The following FAM118B variants were observed in gnomAD, a reference collection of about 807,000 sequenced individuals.
FAM118B encodes SIR2 antiphage like 1.
FAM118B carries 24 observed loss-of-function variants against 38.5 expected under a neutral mutation model. The observed-to-expected ratio is 0.62, with a 90% confidence interval of 0.45 to 0.88. The LOEUF is 0.88. FAM118B is among the 40% of genes least tolerant of loss of function. FAM118B has a pLI of 0.00. For synonymous variants in FAM118B, 138 were observed against 156.3 expected (o/e 0.88, Z 0.87); for missense variants, 334 against 420.0 (o/e 0.80, Z 1.79).
At chr11:126,233,947 TAGC>T (rs1691664884) in intron 2 of FAM118B, among the ~76,000 whole-genome samples, 1 of 152,030 alleles carries the variant, frequency 6.6e-6, no homozygotes, top group Admixed American at 6.5e-5. Context: ...CCAGATGTGG[TAGC>T]ATGTGCCTGT....
intron 3 of FAM118B, among the ~76,000 whole-genome samples, chr11:126,237,195 C>T (rs1217321055): frequency 2.2e-5 from 3 of 135,990 alleles, no homozygotes; most frequent in Non-Finnish European, 4.6e-5. Context: ...GGATTACAGA[C>T]GTGAGCCACC....
chr11:126,219,351 T>TC (rs1950030502), intron 1 of FAM118B, among the ~76,000 whole-genome samples: 2 of 10,902 alleles, frequency 1.8e-4, no homozygotes, highest in Non-Finnish European at 3.7e-4. Context: ...TTGTTTATCT[T>TC]TTTTTTTTTT....
rs142071711 is a variant in FAM118B, at chr11:126,245,055, C to G, written c.339+4011C>G. The G allele has an allele frequency of 9.2e-5, 14 of 152,328 alleles. No individual in the cohort carries two copies. The East Asian group carries it at 2.5e-3, about 27-fold the overall frequency. 9.4% of individuals were successfully genotyped at this position (152,328 alleles called of 1,614,324 possible). On this transcript the variant is annotated intron_variant, in intron 4 of 8. Transcript: ENST00000533050. Reference sequence around the variant, plus strand: ...ATGGGGCCAGGCACCATGGCATGCACCTGTAGTCCCATCTACTTGGGAGGC... The same window carrying G: ...ATGGGGCCAGGCACCATGGCATGCAGCTGTAGTCCCATCTACTTGGGAGGC...
chr11:126,218,618 T>C (rs987167484), intron 1 of FAM118B, among the ~76,000 whole-genome samples: 1 of 152,206 alleles, frequency 6.6e-6, no homozygotes, highest in African/African-American at 2.4e-5. Context: ...ATAAATGAAT[T>C]ATTTTATTGT....
intron 4 of FAM118B, among the ~76,000 whole-genome samples, chr11:126,245,968 C>G (rs1301086920): frequency 6.6e-6 from 1 of 150,376 alleles, no homozygotes; most frequent in African/African-American, 2.5e-5. Context: ...TGCACTCCAG[C>G]CTGGGCAACA....
intron 1 of FAM118B, among the ~76,000 whole-genome samples, chr11:126,225,753 G>A (rs368178651): frequency 1.3e-5 from 2 of 152,182 alleles, no homozygotes; most frequent in African/African-American, 4.8e-5. Context: ...GCCAAGGCAG[G>A]CAGATCATTT....
intron 1 of FAM118B, among the ~76,000 whole-genome samples, chr11:126,215,675 T>G (rs1591497775): frequency 8.1e-6 from 1 of 122,766 alleles, no homozygotes; most frequent in Non-Finnish European, 1.6e-5. Flanking sequence ...CCAGCCTGGG[T>G]GAAAGTATGA....
At chr11:126,211,768 CGCTCAGT>C, upstream of FAM118B, 1 of 1,047,110 alleles carries the variant, frequency 9.6e-7, no homozygotes, top group Non-Finnish European at 1.4e-6. Flanking sequence ...GGACGGTGCG[CGCTCAGT>C]GCGGCTGCGC....
chr11:126,218,272 C>A lies in FAM118B; in HGVS notation c.-77+6442C>A, dbSNP rs999945312. Among the ~76,000 whole-genome samples the A allele has an allele frequency of 7.9e-5, 12 of 152,334 alleles. 1 individual carries two copies. The highest frequency in any genetic ancestry group is 2.4e-4 in the African/African-American group (10 of 41,574). Reference sequence around the variant, plus strand: ...CCTTCAGGTGATGTGGGCCTTTGCACCTGTGCCTCTGTCTGGATGTGTCTT... The same window carrying A: ...CCTTCAGGTGATGTGGGCCTTTGCAACTGTGCCTCTGTCTGGATGTGTCTT... On this transcript the variant is annotated intron_variant, in intron 1 of 8. Transcript: ENST00000533050.
intron 4 of FAM118B, among the ~76,000 whole-genome samples, chr11:126,243,253 T>C (rs1233667943): frequency 1.3e-5 from 2 of 152,182 alleles, no homozygotes; most frequent in Non-Finnish European, 2.9e-5. Flanking sequence ...TTCCAACTCA[T>C]TGTATGAGGC....
intron 1 of FAM118B, among the ~76,000 whole-genome samples, chr11:126,221,006 G>A (rs1297448201): frequency 6.6e-6 from 1 of 152,122 alleles, no homozygotes; most frequent in African/African-American, 2.4e-5. Context: ...GGCCAACATA[G>A]TGAAACCCTG....
intron 3 of FAM118B, among the ~76,000 whole-genome samples, chr11:126,238,745 T>G (rs943625497): frequency 3.9e-5 from 6 of 152,114 alleles, no homozygotes; most frequent in African/African-American, 1.4e-4. Context: ...CCCTCTACCT[T>G]TAGATGTACA....
In FAM118B at chr11:126,229,209, G is replaced by A. The variant is rs1950179092; in HGVS notation, c.-76-16G>A. The A allele has an allele frequency of 6.6e-6, 1 of 152,164 alleles. No individual in the cohort carries two copies. Among genetic ancestry groups the A allele is most frequent in the South Asian group, 2.1e-4 (1 of 4,830 alleles). The allele number at this position is 152,164 out of a possible 1,614,324, so 9.4% of individuals were successfully genotyped here. On this transcript the variant is annotated splice_polypyrimidine_tract_variant and intron_variant, in intron 1 of 8. Coordinates refer to ENST00000533050, the MANE Select transcript of FAM118B (RefSeq NM_024556.4). ...TAAAAGTCTCCTTACTTAGCAACAT[G>A]TGTCATTATTTTCAGGATATACCTT...
rs367568824 is a variant in FAM118B, at chr11:126,250,640, C to T, written c.474C>T (p.Leu158=). The T allele has an allele frequency of 9.3e-6, 15 of 1,613,932 alleles. No individual in the cohort carries two copies. Among genetic ancestry groups the T allele is most frequent in the African/African-American group, 4.0e-5 (3 of 74,898 alleles). The change falls in exon 5 of 9, where the codon CTC becomes CTT. Residue 158 remains leucine (L), a synonymous_variant. Coordinates refer to ENST00000533050, the MANE Select transcript of FAM118B (RefSeq NM_024556.4). This position sits in a 1 kb window ranked among gnomAD's most constrained non-coding sequence, Gnocchi z 5.1. The stretch of plus-strand genomic sequence containing the variant: ...TCCACCTGATGGAAAATGGAGCCCT[C>T]GTATTAACTACAAATTTTGATAATC... ...SVLHLMENGA[L]VLTTNFDNLL...
At chr11:126,219,856 TAAAA>T (rs10707118) in intron 1 of FAM118B, among the ~76,000 whole-genome samples, 12 of 144,994 alleles carry the variant, frequency 8.3e-5, no homozygotes, top group African/African-American at 2.8e-4. Context: ...AAAATTAACT[TAAAA>T]AAAAAAAAAA....
rs1406811914 is a variant in FAM118B, at chr11:126,262,886, G to A, written c.*753G>A. 6.6e-6 allele frequency: 1 copy of A among 152,514 alleles called. No individual in the cohort carries two copies. Among genetic ancestry groups the A allele is most frequent in the African/African-American group, 2.4e-5 (1 of 41,402 alleles). The allele number at this position is 152,514 out of a possible 1,614,324, so 9.4% of individuals were successfully genotyped here. A position where few individuals can be genotyped will look rare whatever the true frequency, so the allele number is the denominator to read the frequency against. ...CTAGAACTACAGTTAAGTGTGTTGT[G>A]GAATTTTAGTTTTGAATCCTGTATA... On this transcript the variant is annotated 3_prime_UTR_variant, in exon 9 of 9. Coordinates refer to ENST00000533050, the MANE Select transcript of FAM118B (RefSeq NM_024556.4).
At chr11:126,259,425 C>CTTTTTT (rs397945854) in intron 7 of FAM118B, among the ~76,000 whole-genome samples, 1 of 129,436 alleles carries the variant, frequency 7.7e-6, no homozygotes, top group Admixed American at 8.2e-5. Context: ...CGTTGTGGTA[C>CTTTTTT]TTTTTTTTTT....
intron 5 of FAM118B, 110 bp from the exon 6 acceptor site, chr11:126,254,195 A>C: frequency 7.7e-7 from 1 of 1,304,202 alleles, no homozygotes; most frequent in Non-Finnish European, 1.0e-6. Flanking sequence ...TCATGAAGCT[A>C]GAGAGTTTAT....
At chr11:126,220,900 T>A (rs1950055000) in intron 1 of FAM118B, among the ~76,000 whole-genome samples, 1 of 151,930 alleles carries the variant, frequency 6.6e-6, no homozygotes. Flanking sequence ...TCAAAGAGAA[T>A]AGTAGGCCGG....
Sources: gnomAD v4.1 joint callset for allele counts (sites outside exome capture counted in the v4.1 genomes callset) on GRCh38, gnomAD v4.1.1 for gene constraint, Gnocchi (gnomAD v3.1) non-coding constraint, MANE v1.5 for transcripts, NCBI Gene and HGNC (gene_info 2026-07-23, HGNC 2026-07-21) for gene names.